CYP7A1: variants seen among roughly 807,000 people sequenced by gnomAD.
CYP7A1 encodes the protein cytochrome P450 family 7 subfamily A member 1.
CYP7A1 carries 28 observed loss-of-function variants against 43.8 expected under a neutral mutation model. The ratio of observed to expected loss-of-function variants is 0.64; its 90% confidence interval spans 0.47 to 0.88. The LOEUF is 0.88. CYP7A1 is among the 40% of genes least tolerant of loss of function. The pLI, the probability that CYP7A1 is intolerant of heterozygous loss-of-function variation, is 0.00. For missense variants in CYP7A1, 637 were observed against 611.9 expected (o/e 1.04, Z -0.43); for synonymous variants, 227 against 222.5 (o/e 1.02, Z -0.18).
intron 1 of CYP7A1, 70 bp downstream of exon 1, chr8:58,499,949 G>A: frequency 8.0e-7 from 1 of 1,252,930 alleles, no homozygotes; most frequent in Middle Eastern, 1.9e-4. Context: ...CAAATTTACT[G>A]TATAAAAATG....
At chr8:58,495,524 G>A (rs953855444) in intron 3 of CYP7A1, among the ~76,000 whole-genome samples, 2 of 152,140 alleles carry the variant, frequency 1.3e-5, no homozygotes, top group African/African-American at 2.4e-5. Context: ...CATTGCGCCC[G>A]GCCTGGTCAG....
At chr8:58,493,585 A>G (rs1809390983) in intron 4 of CYP7A1, among the ~76,000 whole-genome samples, 1 of 152,216 alleles carries the variant, frequency 6.6e-6, no homozygotes, top group Admixed American at 6.5e-5. Flanking sequence ...TAAGAAAAGT[A>G]AGGCCCCCAA....
chr8:58,491,385 A>T lies in CYP7A1; in HGVS notation c.*90T>A, dbSNP rs935650904. ...GACCTGGTGAATCATTTCTACCACC[A>T]CTAAATGCATTTGTCCAAAGGGACT... On this transcript the variant is annotated 3_prime_UTR_variant, in exon 6 of 6. Transcript: ENST00000301645. 3 of 1,198,580 alleles carry T rather than the reference A, an allele frequency of 2.5e-6. No individual in the cohort carries two copies. The Admixed American group carries it at 5.7e-5, about 23-fold the overall frequency. 74.2% of individuals were successfully genotyped at this position (1,198,580 alleles called of 1,614,324 possible). A position where few individuals can be genotyped will look rare whatever the true frequency, so the allele number is the denominator to read the frequency against.
intron 1 of CYP7A1, among the ~76,000 whole-genome samples, chr8:58,499,696 A>T (rs1172134158): frequency 6.6e-6 from 1 of 152,118 alleles, no homozygotes; most frequent in African/African-American, 2.4e-5. Flanking sequence ...TATCCTTACT[A>T]ATCTGGGCTT....
At chr8:58,494,453 T>C in intron 4 of CYP7A1, 53 bp downstream of exon 4, 1 of 1,581,308 alleles carries the variant, frequency 6.3e-7, no homozygotes, top group Non-Finnish European at 8.7e-7. Context: ...TGGTCATTAT[T>C]GTTAAAGTAG....
intron 3 of CYP7A1, among the ~76,000 whole-genome samples, chr8:58,495,369 G>GCACC (rs1809423457): frequency 2.0e-5 from 3 of 151,826 alleles, no homozygotes; most frequent in African/African-American, 7.2e-5. Flanking sequence ...GGGACTACAG[G>GCACC]CGCCCGCCAC....
chr8:58,494,512 C>T lies in CYP7A1; in HGVS notation c.1033G>A (p.Val345Ile). The T allele has an allele frequency of 1.2e-6, 2 of 1,614,038 alleles. No homozygotes were observed. The highest frequency in any genetic ancestry group is 1.1e-5 in the South Asian group (1 of 91,078). ...ACATAACAAGTATACCCACCTAATA[C>T]TGGCAGGTCATTCAGTTCTGCTTGA... ...LSQAELNDLPVLDSIIKESLR... is the reference protein window; with the variant it reads ...LSQAELNDLPILDSIIKESLR... The change falls in exon 4 of 6, where the codon GTA (valine) becomes ATA (isoleucine). Residue 345 changes from valine (V) to isoleucine (I), a missense_variant. Transcript: ENST00000301645.
rs1809330705 is a variant in CYP7A1 at position 58,490,327 on chromosome 8, ACT to A, written c.*1146_*1147del. On this transcript the variant is annotated 3_prime_UTR_variant, in exon 6 of 6. Transcript: ENST00000301645. Reference sequence around the variant, plus strand: ...AATATCAATTGACATAGAGCTGATAACTCATACTTAAAATATTTTATCAAAGC... The same window carrying A: ...AATATCAATTGACATAGAGCTGATAACATACTTAAAATATTTTATCAAAGC... The A allele has an allele frequency of 6.6e-6, 1 of 152,206 alleles. No homozygotes were observed. Among genetic ancestry groups the A allele is most frequent in the Admixed American group, 6.5e-5 (1 of 15,274 alleles). 9.4% of individuals were successfully genotyped at this position (152,206 alleles called of 1,614,324 possible).
In CYP7A1 at chr8:58,498,289, C is replaced by T. The variant is rs199703290; in HGVS notation, c.261G>A (p.Lys87=). The T allele has an allele frequency of 8.7e-5, 140 of 1,614,076 alleles. No individual in the cohort carries two copies. Among genetic ancestry groups the T allele is most frequent in the Non-Finnish European group, 1.1e-4 (125 of 1,180,004 alleles). Residue 87 remains lysine, a synonymous_variant, in exon 2 of 6, where the codon AAG becomes AAA. Coordinates refer to ENST00000301645, the MANE Select transcript of CYP7A1 (RefSeq NM_000780.4). ...HFITNPLSYH[K]VLCHGKYFDW... ...CAAAATATTTTCCGTGGCACAACAC[C>T]TTATGGTATGACAAGGGATTTGTGA...
chr8:58,494,750 C>G, intron 3 of CYP7A1, 114 bp from the exon 4 acceptor site: 1 of 984,556 alleles, frequency 1.0e-6, no homozygotes, highest in Non-Finnish European at 1.6e-6. Flanking sequence ...GTGAAGATAC[C>G]AGGGGAGGAG....
At chr8:58,498,169 G>C in intron 2 of CYP7A1, 60 bp downstream of exon 2, 2 of 1,595,052 alleles carry the variant, frequency 1.3e-6, no homozygotes, top group Non-Finnish European at 1.7e-6. Context: ...TTTCTAAATA[G>C]ACAAGCACAT....
chr8:58,500,063 T>C lies in CYP7A1; in HGVS notation c.36A>G (p.Ile12Met). 3.1e-6 allele frequency: 5 copies of C among 1,613,078 alleles called. No individual in the cohort carries two copies. The highest frequency in any genetic ancestry group is 4.2e-6 in the Non-Finnish European group (5 of 1,179,196). The change falls in exon 1 of 6, where the codon ATA (isoleucine) becomes ATG (methionine). Residue 12 changes from isoleucine to methionine, a missense_variant. Physicochemically the swap from Ile to Met is conservative, Grantham distance 10 (BLOSUM62 1). Transcript: ENST00000301645. ...MTTSLIWGIA[I>M]AACCCLWLIL... ...TAAGCCATAGACAACAGCATGCTGC[T>C]ATAGCAATCCCCCAAATCAAAGATG...
At chr8:58,496,269 G>A (rs950504366) in intron 3 of CYP7A1, among the ~76,000 whole-genome samples, 1 of 152,188 alleles carries the variant, frequency 6.6e-6, no homozygotes, top group African/African-American at 2.4e-5. Flanking sequence ...TGGAGTTGGC[G>A]TCGTGAAGAA....
chr8:58,493,510 G>A (rs1014139530), intron 4 of CYP7A1, among the ~76,000 whole-genome samples: 18 of 152,274 alleles, frequency 1.2e-4, no homozygotes, highest in African/African-American at 3.9e-4. Flanking sequence ...TAACTGTCAT[G>A]TTTTAGGGTG....
At chr8:58,495,302 C>T (rs113522157) in intron 3 of CYP7A1, among the ~76,000 whole-genome samples, 5 of 149,680 alleles carry the variant, frequency 3.3e-5, no homozygotes, top group South Asian at 2.1e-4. Context: ...CTTGGCTCAC[C>T]GCAAGCTCCG....
At chr8:58,497,333 C>G in intron 2 of CYP7A1, 143 bp from the exon 3 acceptor site, 1 of 743,076 alleles carries the variant, frequency 1.3e-6, no homozygotes, top group Admixed American at 2.2e-5. Flanking sequence ...GTTCATAGCA[C>G]TTTACAAATA....
intron 3 of CYP7A1, among the ~76,000 whole-genome samples, chr8:58,495,884 T>G (rs1240376304): frequency 6.6e-6 from 1 of 152,190 alleles, no homozygotes; most frequent in Admixed American, 6.5e-5. Context: ...GAGGAGCAAT[T>G]TTGTGTCTAC....
rs1450992936 is a variant in CYP7A1, at chr8:58,496,841, G to A, written c.671C>T (p.Pro224Leu). ...GTGCGCAGTCCTGAACATGTGAATG[G>A]GGAGGCCTGCTACCAGGGCTGGAAA... is the stretch of plus-strand genomic sequence containing the variant. Reference protein sequence around the residue: ...KVFPALVAGLPIHMFRTAHNA... With the variant: ...KVFPALVAGLLIHMFRTAHNA... The change falls in exon 3 of 6, where the codon CCC becomes CTC. Residue 224 changes from proline (P) to leucine (L), a missense_variant. Physicochemically the swap from Pro to Leu is moderately conservative, Grantham distance 98. Coordinates refer to ENST00000301645, the MANE Select transcript of CYP7A1 (RefSeq NM_000780.4). 6.2e-7 allele frequency: 1 copy of A among 1,614,204 alleles called. No individual in the cohort carries two copies. Among genetic ancestry groups the A allele is most frequent in the Admixed American group, 1.7e-5 (1 of 60,030 alleles).
At chr8:58,499,286 A>T (rs533084811) in intron 1 of CYP7A1, among the ~76,000 whole-genome samples, 1 of 152,354 alleles carries the variant, frequency 6.6e-6, no homozygotes, top group South Asian at 2.1e-4. Flanking sequence ...CAAAGCTGAA[A>T]GATGGTTAGG....
Sources: gnomAD v4.1 joint callset for allele counts (sites outside exome capture counted in the v4.1 genomes callset) on GRCh38, gnomAD v4.1.1 for gene constraint, MANE v1.5 for transcripts, NCBI Gene and HGNC (gene_info 2026-07-23, HGNC 2026-07-21) for gene names.